The following PLCB4 variants were observed in gnomAD, a reference collection of about 807,000 sequenced individuals.
PLCB4 encodes the protein 1-phosphatidylinositol 4,5-bisphosphate phosphodiesterase beta-4.
In PLCB4, 77 loss-of-function variants were observed where a neutral mutation model predicts 178.8. The ratio of observed to expected loss-of-function variants is 0.43; its 90% CI spans 0.36 to 0.52. The LOEUF is 0.52. Ranked by LOEUF, PLCB4 falls within the 20% of genes least tolerant of loss-of-function variation. The probability of loss-of-function intolerance (pLI) is 0.00; values close to 1 mark genes in which losing one functional copy is unlikely to be tolerated. For missense variants in PLCB4, 1,024 were observed against 1,453.4 expected (o/e 0.70, Z 4.80); for synonymous variants, 496 against 490.8 (o/e 1.01, Z -0.14).
At chr20:9,164,316 T>A (rs1307113413) in intron 2 of PLCB4, among the ~76,000 whole-genome samples, 2 of 152,142 alleles carry the variant, frequency 1.3e-5, no homozygotes, top group Non-Finnish European at 2.9e-5. Flanking sequence ...CCCCAATCTT[T>A]GGAGTCTTTT....
At chr20:9,352,310 C>T (rs2034420735) in intron 7 of PLCB4, among the ~76,000 whole-genome samples, 1 of 152,122 alleles carries the variant, frequency 6.6e-6, no homozygotes, top group Non-Finnish European at 1.5e-5. Context: ...TTTTTCCCTC[C>T]TGATCTTTTG....
chr20:9,241,906 G>T (rs185306795), intron 3 of PLCB4, among the ~76,000 whole-genome samples: 2 of 152,264 alleles, frequency 1.3e-5, no homozygotes, highest in South Asian at 2.1e-4. Context: ...TCAGCTAGTG[G>T]GTCAGTTGGG....
intron 2 of PLCB4, among the ~76,000 whole-genome samples, chr20:9,209,336 A>G (rs1016814875): frequency 6.6e-6 from 1 of 152,056 alleles, no homozygotes; most frequent in African/African-American, 2.4e-5. Flanking sequence ...TGACAAATGC[A>G]TGCTAAGTTA....
chr20:9,355,271 A>T (rs995899761), intron 7 of PLCB4, among the ~76,000 whole-genome samples: 7 of 151,652 alleles, frequency 4.6e-5, no homozygotes, highest in African/African-American at 7.3e-5. Flanking sequence ...GCTTTTTAAA[A>T]TTTTTTTATT....
chr20:9,132,351 A>G (rs2092292298), intron 2 of PLCB4, among the ~76,000 whole-genome samples: 1 of 151,972 alleles, frequency 6.6e-6, no homozygotes, highest in Non-Finnish European at 1.5e-5. Flanking sequence ...TTGCAACTGA[A>G]TGTCATGCAG....
At position 9,419,918 on chromosome 20, in the gene PLCB4, C is replaced by T. The variant is rs199598049; in HGVS notation, c.2154+9C>T. 8.4e-6 allele frequency: 13 copies of T among 1,541,348 alleles called. No homozygotes were observed. Among genetic ancestry groups the T allele is most frequent in the Non-Finnish European group, 1.1e-5 (12 of 1,113,738 alleles). ...CCACTTGCTCAGTGCAGGTAAGGCC[C>T]CTGCTCATCACAAGGTAGTATAAAT... On this transcript the variant is annotated intron_variant, in intron 26 of 39. Coordinates refer to ENST00000378473, the MANE Select transcript of PLCB4 (RefSeq NM_001377142.1).
intron 1 of PLCB4, among the ~76,000 whole-genome samples, chr20:9,078,592 C>T (rs2089993514): frequency 6.6e-6 from 1 of 150,840 alleles, no homozygotes; most frequent in African/African-American, 2.4e-5. Context: ...GAACTCCTGA[C>T]CTCAAATGAT....
chr20:9,104,383 A>G (rs1461970084), intron 2 of PLCB4, among the ~76,000 whole-genome samples: 1 of 152,194 alleles, frequency 6.6e-6, no homozygotes, highest in African/African-American at 2.4e-5. Context: ...ATAGTCAAGC[A>G]GCCACAAAGC....
chr20:9,379,070 C>T (rs1277111958), intron 12 of PLCB4, among the ~76,000 whole-genome samples: 3 of 152,116 alleles, frequency 2.0e-5, no homozygotes, highest in Non-Finnish European at 4.4e-5. Context: ...TGTCATTATT[C>T]CAAACTTCCA....
chr20:9,406,579 C>T (rs571992867), intron 21 of PLCB4, among the ~76,000 whole-genome samples: 1 of 151,878 alleles, frequency 6.6e-6, no homozygotes, highest in South Asian at 2.1e-4. Flanking sequence ...AGCTCTGCCC[C>T]CCGGGTTCAC....
intron 4 of PLCB4, among the ~76,000 whole-genome samples, chr20:9,312,793 G>T (rs1223551527): frequency 6.6e-6 from 1 of 152,162 alleles, no homozygotes; most frequent in Non-Finnish European, 1.5e-5. Flanking sequence ...GGAAAGGAAA[G>T]GAAAAGTGAA....
intron 3 of PLCB4, among the ~76,000 whole-genome samples, chr20:9,251,648 A>T (rs1296975676): frequency 1.3e-5 from 2 of 152,042 alleles, no homozygotes; most frequent in Middle Eastern, 3.2e-3. Context: ...TTTTTTTACT[A>T]ACTTCTTGCT....
chr20:9,308,219 T>C (rs1475594673), intron 4 of PLCB4, among the ~76,000 whole-genome samples: 1 of 152,224 alleles, frequency 6.6e-6, no homozygotes, highest in African/African-American at 2.4e-5. Context: ...CAGTTTTTGC[T>C]TAATGCAGTG....
chr20:9,080,915 A>G (rs1277457501), intron 1 of PLCB4, among the ~76,000 whole-genome samples: 1 of 152,148 alleles, frequency 6.6e-6, no homozygotes, highest in Non-Finnish European at 1.5e-5. Flanking sequence ...GAAACAAGCT[A>G]TCCATCTGTT....
intron 3 of PLCB4, among the ~76,000 whole-genome samples, chr20:9,263,905 T>A (rs190987418): frequency 1.3e-5 from 2 of 152,304 alleles, no homozygotes; most frequent in South Asian, 2.1e-4. Context: ...AAAAGGCAAG[T>A]ATCAGCAAGT....
chr20:9,307,152 C>T (rs1230760801), intron 3 of PLCB4, among the ~76,000 whole-genome samples: 1 of 152,134 alleles, frequency 6.6e-6, no homozygotes, highest in Admixed American at 6.5e-5. Context: ...CGAGGCCCCA[C>T]CTCAGTGGGC....
At chr20:9,140,601 G>A (rs561124231) in intron 2 of PLCB4, among the ~76,000 whole-genome samples, 1 of 152,014 alleles carries the variant, frequency 6.6e-6, no homozygotes, top group African/African-American at 2.4e-5. Context: ...CTGTCTCGGT[G>A]CCCTCCCCGT....
At position 9,163,023 on chromosome 20, in the gene PLCB4, A is replaced by G. The variant is rs145360139; in HGVS notation, c.-78-54367A>G. 7.8e-3 allele frequency among the ~76,000 whole-genome samples: 1,191 copies of G among 152,206 alleles called. 16 individuals are homozygous for G. The highest frequency in any genetic ancestry group is 0.027 in the African/African-American group (1,134 of 41,540). ...TAAGCTAGCAGTTCAGCATCACTGAACCTGGGGATGGGAATAGATGCACAC... is the reference window on the plus strand; with the variant it reads ...TAAGCTAGCAGTTCAGCATCACTGAGCCTGGGGATGGGAATAGATGCACAC... On this transcript the variant is annotated intron_variant, in intron 2 of 39. Transcript: ENST00000378473.
At chr20:9,333,843 A>C (rs2032054411) in intron 4 of PLCB4, among the ~76,000 whole-genome samples, 1 of 152,190 alleles carries the variant, frequency 6.6e-6, no homozygotes, top group Non-Finnish European at 1.5e-5. Context: ...GATGACTCTT[A>C]GTTTCAATAA....
Sources: allele counts gnomAD v4.1 joint callset (sites outside exome capture counted in the v4.1 genomes callset), GRCh38; gene constraint gnomAD v4.1.1; transcripts MANE v1.5; gene names NCBI Gene and HGNC (gene_info 2026-07-23, HGNC 2026-07-21).